The following ABCG2 variants were observed in gnomAD, a reference collection of about 807,000 sequenced individuals.
ABCG2 encodes ATP binding cassette subfamily G member 2 (JR blood group).
Under a neutral mutation model 73.5 loss-of-function variants are expected in ABCG2, and 80 were observed. The ratio of observed to expected loss-of-function variants is 1.09; its 90% CI spans 0.91 to 1.31. The LOEUF (loss-of-function observed/expected upper bound fraction) is 1.31, where lower values mean the gene tolerates loss of function less well. Ranked by LOEUF, ABCG2 falls within the 50% of genes most tolerant of loss-of-function variation. ABCG2 has a pLI of 0.00. For missense variants in ABCG2, 796 were observed against 786.2 expected (o/e 1.01, Z -0.15); for synonymous variants, 269 against 282.4 (o/e 0.95, Z 0.48).
intron 1 of ABCG2, among the ~76,000 whole-genome samples, chr4:88,180,176 G>A (rs1330062488): frequency 6.6e-6 from 1 of 152,012 alleles, no homozygotes; most frequent in Non-Finnish European, 1.5e-5. Context: ...AAAGCAGCAA[G>A]AGAAAGGAAA....
chr4:88,137,145 A>G (rs1206674561), intron 2 of ABCG2, among the ~76,000 whole-genome samples: 1 of 152,214 alleles, frequency 6.6e-6, no homozygotes, highest in Non-Finnish European at 1.5e-5. Flanking sequence ...ATCAGGAACA[A>G]TAAGAGTATG....
At chr4:88,132,529 C>T in intron 3 of ABCG2, 47 bp downstream of exon 3, 1 of 1,602,056 alleles carries the variant, frequency 6.2e-7, no homozygotes, top group Non-Finnish European at 8.5e-7. Context: ...TTTAAAAGCA[C>T]ATTAAAAGTG....
intron 5 of ABCG2, among the ~76,000 whole-genome samples, chr4:88,123,625 G>A: frequency 6.6e-6 from 1 of 152,004 alleles, no homozygotes; most frequent in Non-Finnish European, 1.5e-5. Flanking sequence ...AAAAAAGAAT[G>A]AAAAGGAACA....
intron 1 of ABCG2, among the ~76,000 whole-genome samples, chr4:88,194,277 A>C (rs1363264884): frequency 6.6e-6 from 1 of 152,020 alleles, no homozygotes; most frequent in Non-Finnish European, 1.5e-5. Context: ...GCGGCCGGGC[A>C]CTGTGGCTCA....
At chr4:88,102,264 C>A (rs1722475574) in intron 10 of ABCG2, among the ~76,000 whole-genome samples, 1 of 152,132 alleles carries the variant, frequency 6.6e-6, no homozygotes, top group Non-Finnish European at 1.5e-5. Flanking sequence ...AAAAGGAACA[C>A]TATTAGTGCT....
upstream of ABCG2, chr4:88,163,675 A>T (rs1281666752): frequency 9.5e-6 from 3 of 317,182 alleles, no homozygotes; most frequent in African/African-American, 4.4e-5. Context: ...TCACAAGCGC[A>T]TTCATAGAGT....
chr4:88,100,222 C>T (rs1033885594), intron 11 of ABCG2, among the ~76,000 whole-genome samples: 5 of 150,584 alleles, frequency 3.3e-5, no homozygotes, highest in African/African-American at 7.3e-5. Context: ...CCAGGCGCCC[C>T]GGTGCAGTGG....
Position 88,121,741 on chromosome 4 carries a change from T to C in ABCG2, c.583A>G (p.Ser195Gly). The C allele has an allele frequency of 2.5e-6, 4 of 1,614,042 alleles. No individual in the cohort carries two copies. Among genetic ancestry groups the C allele is most frequent in the Non-Finnish European group, 3.4e-6 (4 of 1,179,910 alleles). Residue 195 changes from serine (S) to glycine (G), a missense_variant, in exon 6 of 16, where the codon AGT (serine) becomes GGT (glycine). Ser to Gly is a moderately conservative substitution (Grantham distance 56). Transcript: ENST00000237612. Reference protein sequence around the residue: ...GVSGGERKRTSIGMELITDPS... With the variant: ...GVSGGERKRTGIGMELITDPS... ...TCAGTGATAAGCTCCATTCCTATACTAGTCCTTTTTCTTTCTCCTCCAGAC... is the reference window on the plus strand; with the variant it reads ...TCAGTGATAAGCTCCATTCCTATACCAGTCCTTTTTCTTTCTCCTCCAGAC...
At chr4:88,106,840 G>C (rs764929695) in intron 10 of ABCG2, among the ~76,000 whole-genome samples, 1 of 152,134 alleles carries the variant, frequency 6.6e-6, no homozygotes, top group Admixed American at 6.5e-5. Context: ...TCAGGAGTTC[G>C]AAGCCAGTCT....
intron 1 of ABCG2, among the ~76,000 whole-genome samples, chr4:88,213,257 A>G (rs1729672815): frequency 2.0e-5 from 3 of 152,156 alleles, no homozygotes; most frequent in South Asian, 2.1e-4. Flanking sequence ...ACCCTCAGTA[A>G]TGCCTGACAA....
chr4:88,101,992 G>A (rs1722456535), intron 10 of ABCG2, among the ~76,000 whole-genome samples: 1 of 152,196 alleles, frequency 6.6e-6, no homozygotes, highest in Non-Finnish European at 1.5e-5. Flanking sequence ...TAAAGATTAA[G>A]AAATTCAATT....
At chr4:88,140,645 ACT>A (rs970672883) in intron 1 of ABCG2, among the ~76,000 whole-genome samples, 7 of 151,910 alleles carry the variant, frequency 4.6e-5, no homozygotes, top group African/African-American at 9.7e-5. Context: ...AAAAAAAGAA[ACT>A]CTATTTTTTT....
chr4:88,229,927 T>C (rs770049154), intron 1 of ABCG2, among the ~76,000 whole-genome samples: 1 of 151,880 alleles, frequency 6.6e-6, no homozygotes, highest in Non-Finnish European at 1.5e-5. Context: ...TGCCTTATAA[T>C]CTTCAATTCT....
chr4:88,130,434 T>C (rs1553935463), intron 5 of ABCG2, among the ~76,000 whole-genome samples: 1 of 151,992 alleles, frequency 6.6e-6, no homozygotes, highest in Non-Finnish European at 1.5e-5. Context: ...CCACTGATTC[T>C]ATATTATGAT....
At chr4:88,166,891 G>A (rs1033777490) in intron 1 of ABCG2, among the ~76,000 whole-genome samples, 2 of 152,144 alleles carry the variant, frequency 1.3e-5, no homozygotes, top group Non-Finnish European at 2.9e-5. Flanking sequence ...AGGTCACTGA[G>A]TGGGATACTG....
intron 1 of ABCG2, among the ~76,000 whole-genome samples, chr4:88,214,229 A>G (rs1195380693): frequency 6.7e-6 from 1 of 149,124 alleles, no homozygotes; most frequent in African/African-American, 2.5e-5. Flanking sequence ...CCAGCAGTGT[A>G]CCCGCCTCAG....
intron 1 of ABCG2, among the ~76,000 whole-genome samples, chr4:88,202,093 G>C (rs578136620): frequency 6.6e-6 from 1 of 151,610 alleles, no homozygotes; most frequent in East Asian, 1.9e-4. Context: ...AATGAATATC[G>C]GTGAAGTATC....
In ABCG2 at chr4:88,207,297, T is replaced by G. The variant is rs1027010153; in HGVS notation, c.-20+23697A>C. Among the ~76,000 whole-genome samples, 5 of 150,916 alleles carry G rather than the reference T, an allele frequency of 3.3e-5. No homozygotes were observed. In the South Asian group the frequency reaches 1.0e-3, roughly 31 times the overall value. ...ACATGAGTTCAATTGGACTTCCTAC[T>G]TACTGATTTTTTTTAAATAACATTT... On this transcript the variant is annotated intron_variant, in intron 1 of 15. Transcript: ENST00000515655.
intron 1 of ABCG2, among the ~76,000 whole-genome samples, chr4:88,216,208 C>T (rs1016305260): frequency 6.6e-6 from 1 of 152,180 alleles, no homozygotes; most frequent in Admixed American, 6.6e-5. Context: ...GCACAAAGAT[C>T]TCTAGTGACT....
Sources: allele counts gnomAD v4.1 joint callset (sites outside exome capture counted in the v4.1 genomes callset), GRCh38; gene constraint gnomAD v4.1.1; transcripts MANE v1.5; gene names NCBI Gene and HGNC (gene_info 2026-07-23, HGNC 2026-07-21).